Variants in ANO3 observed in about 807,000 individuals in gnomAD.
ANO3 encodes anoctamin-3.
ANO3 carries 99 observed loss-of-function variants against 144.8 expected under a neutral mutation model. The observed-to-expected ratio is 0.68, with a 90% CI of 0.58 to 0.81. The LOEUF is 0.81. ANO3 is among the 30% of genes least tolerant of loss of function. The pLI, the probability that ANO3 is intolerant of heterozygous loss-of-function variation, is 0.00. For synonymous variants in ANO3, 414 were observed against 392.6 expected (o/e 1.05, Z -0.64); for missense variants, 905 against 1,202.2 (o/e 0.75, Z 3.66).
At chr11:26,617,374 A>G (rs1320539323) in intron 17 of ANO3, among the ~76,000 whole-genome samples, 2 of 152,240 alleles carry the variant, frequency 1.3e-5, no homozygotes, top group Non-Finnish European at 2.9e-5. Flanking sequence ...TGCATTTTAC[A>G]GAAAACAAAG....
rs932172027 is a variant in ANO3 at position 26,529,690 on chromosome 11, C to G, written c.738-1515C>G. On this transcript the variant is annotated intron_variant, in intron 7 of 26. Transcript: ENST00000256737. Reference sequence around the variant, plus strand: ...CCAAAAATTTCCCCAGATAGAAACCCATAGTGTGTAAATATTGCAAATGTG... The same window carrying G: ...CCAAAAATTTCCCCAGATAGAAACCGATAGTGTGTAAATATTGCAAATGTG... 2.7e-5 allele frequency among the ~76,000 whole-genome samples: 4 copies of G among 150,844 alleles called. No individual in the cohort carries two copies. The South Asian group carries it at 8.3e-4, about 31-fold the overall frequency.
chr11:26,265,756 C>T (rs1374522476), intron 1 of ANO3, among the ~76,000 whole-genome samples: 1 of 152,154 alleles, frequency 6.6e-6, no homozygotes, highest in Admixed American at 6.6e-5. Context: ...TCAAATAACC[C>T]TGAAACCTGA....
intron 1 of ANO3, among the ~76,000 whole-genome samples, chr11:26,235,002 A>AGAGAGAGAGAGAG (rs1852485409): frequency 2.1e-5 from 3 of 140,166 alleles, no homozygotes; most frequent in Non-Finnish European, 3.1e-5. Context: ...AGAGAAAAGA[A>AGAGAGAGAGAGAG]AGAGAGAGAG....
chr11:26,407,635 T>C (rs1857323177), intron 1 of ANO3, among the ~76,000 whole-genome samples: 1 of 151,874 alleles, frequency 6.6e-6, no homozygotes, highest in Non-Finnish European at 1.5e-5. Flanking sequence ...CCTTTACATA[T>C]ATATTCTCCA....
At chr11:26,389,274 C>A (rs1856815136) in intron 1 of ANO3, among the ~76,000 whole-genome samples, 1 of 152,004 alleles carries the variant, frequency 6.6e-6, no homozygotes, top group Admixed American at 6.6e-5. Flanking sequence ...GGGTCAAATG[C>A]CAGCTCCACT....
At chr11:26,584,217 G>A (rs547344311) in intron 14 of ANO3, among the ~76,000 whole-genome samples, 3 of 152,192 alleles carry the variant, frequency 2.0e-5, no homozygotes, top group Admixed American at 2.0e-4. Flanking sequence ...GGAGTGCAAT[G>A]GCATGATCTC....
chr11:26,649,018 G>A (rs1316862270), intron 24 of ANO3, among the ~76,000 whole-genome samples: 6 of 152,178 alleles, frequency 3.9e-5, no homozygotes, highest in Admixed American at 3.9e-4. Context: ...ATTGCATATC[G>A]TGGGGTCTTG....
chr11:26,324,940 G>A (rs1302293204), intron 1 of ANO3, among the ~76,000 whole-genome samples: 2 of 152,122 alleles, frequency 1.3e-5, no homozygotes, highest in African/African-American at 2.4e-5. Flanking sequence ...GCTCCTGATT[G>A]CACTGAACCC....
chr11:26,617,663 C>A (rs186254724), intron 17 of ANO3, among the ~76,000 whole-genome samples: 2 of 152,228 alleles, frequency 1.3e-5, no homozygotes, highest in Admixed American at 1.3e-4. Context: ...TGGAGTAGAC[C>A]ATAAATACTT....
intron 4 of ANO3, among the ~76,000 whole-genome samples, chr11:26,466,779 C>G (rs1370766356): frequency 6.6e-6 from 1 of 151,918 alleles, no homozygotes; most frequent in Non-Finnish European, 1.5e-5. Flanking sequence ...TGGTTTGTCT[C>G]TCTGCAAGAG....
At chr11:26,300,845 T>C (rs1346814111) in intron 1 of ANO3, among the ~76,000 whole-genome samples, 5 of 144,092 alleles carry the variant, frequency 3.5e-5, no homozygotes, top group Admixed American at 3.4e-4. Context: ...TTTATTTCTT[T>C]CTTTTTTTTC....
At chr11:26,621,653 A>G (rs1452883706) in intron 17 of ANO3, among the ~76,000 whole-genome samples, 1 of 152,112 alleles carries the variant, frequency 6.6e-6, no homozygotes. Flanking sequence ...TTTATTTGCC[A>G]TTTATCTCTA....
intron 14 of ANO3, among the ~76,000 whole-genome samples, chr11:26,580,705 G>A (rs977559714): frequency 2.0e-5 from 3 of 152,148 alleles, no homozygotes; most frequent in African/African-American, 7.2e-5. Context: ...TTCAGATATA[G>A]TGTTCTCTTA....
chr11:26,316,569 C>A (rs148865051), intron 1 of ANO3, among the ~76,000 whole-genome samples: 4 of 152,130 alleles, frequency 2.6e-5, no homozygotes, highest in Non-Finnish European at 4.4e-5. Flanking sequence ...TCAATAGAAG[C>A]AGGAAGTGAA....
At chr11:26,560,515 A>C (rs1386558583) in intron 14 of ANO3, 1 of 152,344 alleles carries the variant, frequency 6.6e-6, no homozygotes, top group Non-Finnish European at 1.5e-5. Flanking sequence ...GATCTAGAAA[A>C]TTATAACGTA....
chr11:26,493,958 A>G (rs943058520), intron 4 of ANO3, among the ~76,000 whole-genome samples: 3 of 152,204 alleles, frequency 2.0e-5, no homozygotes, highest in Non-Finnish European at 4.4e-5. Flanking sequence ...ATTTAAGCTA[A>G]GATGTTAGTG....
At chr11:26,526,819 T>G (rs1050686914) in intron 7 of ANO3, among the ~76,000 whole-genome samples, 2 of 152,128 alleles carry the variant, frequency 1.3e-5, no homozygotes, top group Non-Finnish European at 2.9e-5. Context: ...ATATTTTAAT[T>G]TGGAATGAGC....
intron 1 of ANO3, among the ~76,000 whole-genome samples, chr11:26,427,842 T>C (rs1213482678): frequency 6.6e-6 from 1 of 152,128 alleles, no homozygotes; most frequent in East Asian, 1.9e-4. Context: ...CACATCCTTC[T>C]TCTCATGGCG....
At chr11:26,235,464 C>A (rs1852499226) in intron 1 of ANO3, among the ~76,000 whole-genome samples, 1 of 151,990 alleles carries the variant, frequency 6.6e-6, no homozygotes, top group Non-Finnish European at 1.5e-5. Flanking sequence ...GTCTTTCTGA[C>A]ATTGAGAAAT....
Sources: gnomAD v4.1 joint callset for allele counts (sites outside exome capture counted in the v4.1 genomes callset) on GRCh38, gnomAD v4.1.1 for gene constraint, MANE v1.5 for transcripts, NCBI Gene and HGNC (gene_info 2026-07-23, HGNC 2026-07-21) for gene names.